The following LRRC36 variants were observed in gnomAD, a reference collection of about 807,000 sequenced individuals.
The protein encoded by LRRC36 is leucine-rich repeat-containing protein 36.
A neutral mutation model predicts 81.1 loss-of-function variants in LRRC36; 62 were observed. The observed-to-expected ratio is 0.76, with a 90% confidence interval of 0.62 to 0.94. The LOEUF is 0.94. Among genes scored for constraint, LRRC36 ranks in the 40% least tolerant of loss-of-function variants. LRRC36 has a pLI of 0.00. For synonymous variants in LRRC36, 334 were observed against 348.6 expected, an observed-to-expected ratio of 0.96 and a Z score of 0.47; for missense variants, 761 against 881.7, an observed-to-expected ratio of 0.86 and a Z score of 1.73.
At chr16:67,343,319 G>A (rs1348238916) in intron 2 of LRRC36, among the ~76,000 whole-genome samples, 2 of 151,990 alleles carry the variant, frequency 1.3e-5, no homozygotes, top group Non-Finnish European at 2.9e-5. Context: ...GCAGCGCTTC[G>A]GAAGGCTGAG....
chr16:67,378,805 C>A, intron 12 of LRRC36, 93 bp downstream of exon 12: 2 of 1,417,738 alleles, frequency 1.4e-6, no homozygotes, highest in African/African-American at 1.4e-5. Context: ...TGCTAGCTCA[C>A]GTGGCTGCCT....
At position 67,346,300 on chromosome 16, in the gene LRRC36, TA is replaced by T. The variant is rs1391808841; in HGVS notation, c.245del (p.Asn82ThrfsTer6). ...CSLQDLNLYY[N>X]NIPSLVEVSR... Reference sequence around the variant, plus strand: ...CACTCCAAGACCTGAATTTATATTATAACAACATTCCTTCATTAGTGGAAGT... The same window carrying T: ...CACTCCAAGACCTGAATTTATATTATACAACATTCCTTCATTAGTGGAAGT... On this transcript the variant is annotated frameshift_variant, in exon 3 of 14. Transcript: ENST00000329956. LOFTEE classifies it high-confidence loss of function. 1.2e-6 allele frequency: 2 copies of T among 1,610,816 alleles called. No homozygotes were observed. The highest frequency in any genetic ancestry group is 2.7e-5 in the African/African-American group (2 of 74,894).
intron 1 of LRRC36, among the ~76,000 whole-genome samples, chr16:67,329,849 C>T (rs1432296076): frequency 6.6e-6 from 1 of 151,956 alleles, no homozygotes; most frequent in Non-Finnish European, 1.5e-5. Context: ...ACCCGGGAGA[C>T]GGAGGTTGTA....
chr16:67,335,873 C>A (rs947910262), intron 1 of LRRC36, among the ~76,000 whole-genome samples: 1 of 152,044 alleles, frequency 6.6e-6, no homozygotes, highest in African/African-American at 2.4e-5. Context: ...GCTGGGATTA[C>A]GGGCATGTGC....
rs142533730 is a variant in LRRC36 at position 67,343,663 on chromosome 16, C to T, written c.198+1579C>T. On this transcript the variant is annotated intron_variant, in intron 2 of 13. Coordinates refer to ENST00000329956, the MANE Select transcript of LRRC36 (RefSeq NM_018296.6). ...TGAGCCTAGATCGCACCACTACACT[C>T]CAGCCTGGGCAAAAGAGTGAGACCA... 2.8e-3 allele frequency among the ~76,000 whole-genome samples: 424 copies of T among 150,848 alleles called. 1 individual carries two copies. The highest frequency in any genetic ancestry group is 1.0e-2 in the African/African-American group (408 of 40,962).
At chr16:67,372,847 T>G (rs1220360550) in intron 9 of LRRC36, among the ~76,000 whole-genome samples, 1 of 152,206 alleles carries the variant, frequency 6.6e-6, no homozygotes, top group East Asian at 1.9e-4. Context: ...GTGGCTGTAA[T>G]TTTTGTGCAC....
In LRRC36 at chr16:67,363,620, C is replaced by T; in HGVS notation, c.608C>T (p.Pro203Leu). The change falls in exon 6 of 14, where the codon CCC becomes CTC. Residue 203 changes from proline (P) to leucine (L), a missense_variant. This residue lies in a region of LRRC36 where 263 missense variants were observed against 279.3 expected (regional missense o/e 0.94). Coordinates refer to ENST00000329956, the MANE Select transcript of LRRC36 (RefSeq NM_018296.6). The stretch of plus-strand genomic sequence containing the variant: ...AACAAAGGACTTTTTATTCCCTTCC[C>T]CAACCGGGAAATAAAGGATTCCCTA... ...DSNKGLFIPFPNREIKDSLST... is the reference protein window; with the variant it reads ...DSNKGLFIPFLNREIKDSLST... 1 of 1,613,960 alleles carries T rather than the reference C, an allele frequency of 6.2e-7. No homozygotes were observed. The highest frequency in any genetic ancestry group is 8.5e-7 in the Non-Finnish European group (1 of 1,179,874).
chr16:67,341,787 T>A (rs1220935509), intron 1 of LRRC36, among the ~76,000 whole-genome samples, 170 bp from the exon 2 acceptor site: 1 of 152,188 alleles, frequency 6.6e-6, no homozygotes, highest in Non-Finnish European at 1.5e-5. Context: ...AGGTTCAATG[T>A]CACTATATTA....
intron 1 of LRRC36, among the ~76,000 whole-genome samples, chr16:67,327,233 C>T (rs1185086046): frequency 1.3e-5 from 2 of 151,948 alleles, no homozygotes; most frequent in African/African-American, 2.4e-5. Context: ...GACAGAACTG[C>T]GGGGGGCGGT....
chr16:67,354,025 C>T (rs188898355), intron 5 of LRRC36, among the ~76,000 whole-genome samples: 4 of 152,164 alleles, frequency 2.6e-5, no homozygotes, highest in Non-Finnish European at 5.9e-5. Flanking sequence ...TAAGTCTAAA[C>T]TCCTTTACTT....
intron 8 of LRRC36, among the ~76,000 whole-genome samples, chr16:67,369,377 C>A (rs1200003769): frequency 6.6e-6 from 1 of 152,118 alleles, no homozygotes; most frequent in Non-Finnish European, 1.5e-5. Flanking sequence ...GTGATCAATG[C>A]TAGGTCAAAT....
intron 5 of LRRC36, among the ~76,000 whole-genome samples, chr16:67,360,009 C>T (rs2039071935): frequency 6.6e-6 from 1 of 151,968 alleles, no homozygotes; most frequent in Admixed American, 6.6e-5. Context: ...CCTGTAGTCC[C>T]AGCTACTCAG....
intron 5 of LRRC36, among the ~76,000 whole-genome samples, chr16:67,363,273 T>C (rs1177886481): frequency 6.6e-6 from 1 of 152,236 alleles, no homozygotes; most frequent in East Asian, 1.9e-4. Context: ...TTAGGAAATG[T>C]GCAAAATATT....
At chr16:67,364,869 T>C (rs1473009488) in intron 6 of LRRC36, among the ~76,000 whole-genome samples, 1 of 152,210 alleles carries the variant, frequency 6.6e-6, no homozygotes, top group East Asian at 1.9e-4. Flanking sequence ...AAACCCTAGA[T>C]GGCTTTCTGT....
Position 67,346,256 on chromosome 16 carries a change from G to C in LRRC36, c.199G>C (p.Gly67Arg), listed in dbSNP as rs2038341672. 1 of 1,541,098 alleles carries C rather than the reference G, an allele frequency of 6.5e-7. No individual in the cohort carries two copies. The highest frequency in any genetic ancestry group is 8.8e-7 in the Non-Finnish European group (1 of 1,132,114). Residue 67 changes from glycine (G) to arginine (R), a missense_variant and splice_region_variant, in exon 3 of 14, where the codon GGA becomes CGA. By Grantham distance (125) the Gly-to-Arg change is moderately radical. This residue lies in a region of LRRC36 where 263 missense variants were observed against 279.3 expected (regional missense o/e 0.94). Transcript: ENST00000329956. ...LSRNLITSLK[G>R]IQYLCSLQDL... Reference sequence around the variant, plus strand: ...TCATAATGTGGTGTTTTCCTTGTAGGGAATCCAGTATTTATGTTCACTCCA... The same window carrying C: ...TCATAATGTGGTGTTTTCCTTGTAGCGAATCCAGTATTTATGTTCACTCCA...
At chr16:67,341,000 A>G (rs1377471877) in intron 1 of LRRC36, among the ~76,000 whole-genome samples, 1 of 97,428 alleles carries the variant, frequency 1.0e-5, no homozygotes, top group Non-Finnish European at 1.8e-5. Context: ...TATTATATAT[A>G]GAATATGTAT....
intron 1 of LRRC36, among the ~76,000 whole-genome samples, chr16:67,339,606 G>A (rs1343219949): frequency 1.3e-5 from 2 of 152,118 alleles, no homozygotes; most frequent in Non-Finnish European, 2.9e-5. Context: ...GGAAAGGTGG[G>A]CCAGAATAGC....
In LRRC36 at chr16:67,350,201, GC is replaced by G. The variant is rs773785947; in HGVS notation, c.489del (p.Ser164LeufsTer6). ...TGTAAATAAATTATTCTATGTGGCA[GC>G]TCTAGGGAGAAGACAATGAAAAACT... ...SENFLLEVEK[S>X]SREKTMKNCV... On this transcript the variant is annotated frameshift_variant and splice_region_variant, in exon 5 of 14. Coordinates refer to ENST00000329956, the MANE Select transcript of LRRC36 (RefSeq NM_018296.6). LOFTEE classifies it high-confidence loss of function. The G allele has an allele frequency of 6.3e-7, 1 of 1,598,238 alleles. No homozygotes were observed. The highest frequency in any genetic ancestry group is 8.5e-7 in the Non-Finnish European group (1 of 1,170,496).
At chr16:67,332,255 T>A (rs1412486132) in intron 1 of LRRC36, among the ~76,000 whole-genome samples, 1 of 152,020 alleles carries the variant, frequency 6.6e-6, no homozygotes, top group Non-Finnish European at 1.5e-5. Flanking sequence ...GTCTTCACTC[T>A]TTATAAACAC....
Sources: gnomAD v4.1 joint callset for allele counts (sites outside exome capture counted in the v4.1 genomes callset) on GRCh38, gnomAD v4.1.1 for gene constraint, gnomAD v4.1.1 regional missense constraint, MANE v1.5 for transcripts, NCBI Gene and HGNC (gene_info 2026-07-23, HGNC 2026-07-21) for gene names.